The following CLINT1 variants were observed in gnomAD, a reference collection of about 807,000 sequenced individuals.
The protein encoded by CLINT1 is clathrin interactor 1.
CLINT1 carries 15 observed loss-of-function variants against 70.4 expected under a neutral mutation model. The observed-to-expected ratio is 0.21, with a 90% CI of 0.14 to 0.33. The LOEUF (loss-of-function observed/expected upper bound fraction) is 0.33. Among genes scored for constraint, CLINT1 ranks in the 10% least tolerant of loss-of-function variants. The pLI is 1.00. For synonymous variants in CLINT1, 227 were observed against 254.7 expected (o/e 0.89, Z 1.04); for missense variants, 615 against 778.1 (o/e 0.79, Z 2.49).
At chr5:157,811,659 A>G (rs192505341) in intron 5 of CLINT1, among the ~76,000 whole-genome samples, 1 of 152,272 alleles carries the variant, frequency 6.6e-6, no homozygotes, top group Admixed American at 6.5e-5. Context: ...AGGATATCCA[A>G]CTCTATCTTT....
chr5:157,787,576 T>C lies in CLINT1; in HGVS notation c.*70A>G. On this transcript the variant is annotated 3_prime_UTR_variant, in exon 12 of 12. Coordinates refer to ENST00000411809, the MANE Select transcript of CLINT1 (RefSeq NM_014666.4). ...TAAAAGAAAGGGTAGTTGATTAGCATTTTCCATCCCAACATCACCTATCTG... is the reference window on the plus strand; with the variant it reads ...TAAAAGAAAGGGTAGTTGATTAGCACTTTCCATCCCAACATCACCTATCTG... 1 of 1,249,968 alleles carries C rather than the reference T, an allele frequency of 8.0e-7. No individual in the cohort carries two copies. The highest frequency in any genetic ancestry group is 1.1e-6 in the Non-Finnish European group (1 of 877,700). The allele number at this position is 1,249,968 out of a possible 1,614,324, so 77.4% of individuals were successfully genotyped here.
intron 1 of CLINT1, among the ~76,000 whole-genome samples, chr5:157,853,406 C>T (rs1052907814): frequency 6.6e-6 from 1 of 151,574 alleles, no homozygotes; most frequent in African/African-American, 2.4e-5. Context: ...ATTGTGAAAC[C>T]TTGGATTACT....
intron 10 of CLINT1, among the ~76,000 whole-genome samples, chr5:157,790,807 A>C (rs1222368333): frequency 6.6e-6 from 1 of 152,216 alleles, no homozygotes; most frequent in Non-Finnish European, 1.5e-5. Flanking sequence ...TTTAACTATA[A>C]AATAGTGAAT....
intron 8 of CLINT1, among the ~76,000 whole-genome samples, chr5:157,799,132 A>G (rs1762143720): frequency 6.6e-6 from 1 of 152,154 alleles, no homozygotes; most frequent in Non-Finnish European, 1.5e-5. Context: ...CCAGATTAAT[A>G]CTTTATGTGT....
At chr5:157,830,773 T>C (rs1241356733) in intron 1 of CLINT1, among the ~76,000 whole-genome samples, 3 of 127,118 alleles carry the variant, frequency 2.4e-5, no homozygotes, top group Non-Finnish European at 3.3e-5. Flanking sequence ...TCTCTCTCTC[T>C]CTCTCTCTCT....
chr5:157,807,752 G>T (rs1160733758), intron 6 of CLINT1, among the ~76,000 whole-genome samples: 1 of 152,002 alleles, frequency 6.6e-6, no homozygotes, highest in East Asian at 1.9e-4. Context: ...GGGAGAAACA[G>T]AAATAAAAGA....
At chr5:157,843,189 T>C (rs957750502) in intron 1 of CLINT1, among the ~76,000 whole-genome samples, 1 of 152,202 alleles carries the variant, frequency 6.6e-6, no homozygotes, top group Non-Finnish European at 1.5e-5. Flanking sequence ...TTTCCCAACT[T>C]AATTCCTATT....
At chr5:157,849,560 ATTTT>A (rs957884330) in intron 1 of CLINT1, among the ~76,000 whole-genome samples, 3 of 152,152 alleles carry the variant, frequency 2.0e-5, no homozygotes, top group African/African-American at 7.2e-5. Flanking sequence ...CTGTATAACA[ATTTT>A]TTTGTTTACA....
At chr5:157,820,301 T>A (rs11948254) in intron 1 of CLINT1, among the ~76,000 whole-genome samples, 2,257 of 152,094 alleles carry the variant, frequency 0.015, 56 homozygotes, top group African/African-American at 0.051. Flanking sequence ...ATACAAAAAT[T>A]TGCTGGGCGT....
Position 157,816,742 on chromosome 5 carries a change from C to T in CLINT1, c.235G>A (p.Val79Ile). Reference protein sequence around the residue: ...LKDNKKNWRRVYKSLLLLAYL... With the variant: ...LKDNKKNWRRIYKSLLLLAYL... ...CAGACTTGTGTCCATACCTTATAAACTCTTCTCCAATTCTTTTTGTTGTCT... is the reference window on the plus strand; with the variant it reads ...CAGACTTGTGTCCATACCTTATAAATTCTTCTCCAATTCTTTTTGTTGTCT... The change falls in exon 3 of 12, where the codon GTT (valine) becomes ATT (isoleucine). Residue 79 changes from valine (V) to isoleucine (I), a missense_variant. By Grantham distance (29) the Val-to-Ile change is conservative. This residue lies in a region of CLINT1 where 241 missense variants were observed against 368.6 expected (regional missense o/e 0.65). Coordinates refer to ENST00000411809, the MANE Select transcript of CLINT1 (RefSeq NM_014666.4). The T allele has an allele frequency of 6.2e-7, 1 of 1,606,806 alleles. No individual in the cohort carries two copies. The highest frequency in any genetic ancestry group is 8.5e-7 in the Non-Finnish European group (1 of 1,176,678).
intron 10 of CLINT1, chr5:157,790,227 C>T: frequency 6.1e-6 from 1 of 163,666 alleles, no homozygotes; most frequent in African/African-American, 2.4e-5. Context: ...ACAGAGAATT[C>T]AGGATATGAT....
At chr5:157,849,151 T>C (rs1027515486) in intron 1 of CLINT1, among the ~76,000 whole-genome samples, 6 of 152,130 alleles carry the variant, frequency 3.9e-5, no homozygotes, top group African/African-American at 9.7e-5. Flanking sequence ...TCGAGCAGCA[T>C]TGCATGCTAC....
At chr5:157,802,753 C>A (rs1349010674) in intron 8 of CLINT1, among the ~76,000 whole-genome samples, 2 of 152,080 alleles carry the variant, frequency 1.3e-5, no homozygotes, top group African/African-American at 4.8e-5. Flanking sequence ...ACCATGTTGG[C>A]CAGGCTGGTC....
intron 5 of CLINT1, among the ~76,000 whole-genome samples, chr5:157,811,534 A>G (rs1413830281): frequency 2.6e-5 from 4 of 151,880 alleles, no homozygotes; most frequent in Admixed American, 1.3e-4. Flanking sequence ...ATCCTCAAAA[A>G]AAAAAAAAAA....
chr5:157,830,786 C>CTT (rs1401664750), intron 1 of CLINT1, among the ~76,000 whole-genome samples: 1 of 132,492 alleles, frequency 7.5e-6, no homozygotes, highest in Admixed American at 8.1e-5. Context: ...CTCTCTCTCT[C>CTT]TCTCTCTCTC....
intron 10 of CLINT1, chr5:157,790,290 T>G (rs778995085): frequency 5.9e-6 from 1 of 169,494 alleles, no homozygotes; most frequent in Non-Finnish European, 1.3e-5. Flanking sequence ...CAATTTATAT[T>G]TCACATATCC....
intron 1 of CLINT1, among the ~76,000 whole-genome samples, chr5:157,839,987 T>C (rs1031285368): frequency 6.6e-6 from 1 of 151,628 alleles, no homozygotes; most frequent in South Asian, 2.1e-4. Context: ...GAGGCCAAGG[T>C]GGGCAGACTG....
At chr5:157,853,498 C>T (rs1386931798) in intron 1 of CLINT1, among the ~76,000 whole-genome samples, 11 of 151,844 alleles carry the variant, frequency 7.2e-5, no homozygotes, top group Admixed American at 2.6e-4. Flanking sequence ...CTTTGTAGGC[C>T]GGGCACGGAG....
At chr5:157,794,424 T>A (rs1762007403) in intron 9 of CLINT1, among the ~76,000 whole-genome samples, 3 of 152,254 alleles carry the variant, frequency 2.0e-5, no homozygotes, top group Admixed American at 2.0e-4. Flanking sequence ...CTGCTCATTT[T>A]AGGATATGTC....
Sources: gnomAD v4.1 joint callset for allele counts (sites outside exome capture counted in the v4.1 genomes callset) on GRCh38, gnomAD v4.1.1 for gene constraint, gnomAD v4.1.1 regional missense constraint, MANE v1.5 for transcripts, NCBI Gene and HGNC (gene_info 2026-07-23, HGNC 2026-07-21) for gene names.